Variants in PPARGC1A observed in about 807,000 individuals in gnomAD.
The protein encoded by PPARGC1A is PPARG coactivator 1 alpha.
A neutral mutation model predicts 88.7 loss-of-function variants in PPARGC1A; 25 were observed. The ratio of observed to expected loss-of-function variants is 0.28; its 90% CI spans 0.21 to 0.39. PPARGC1A has a LOEUF of 0.39. PPARGC1A is among the 10% of genes least tolerant of loss of function. PPARGC1A has a pLI of 1.00. For synonymous variants in PPARGC1A, 363 were observed against 355.6 expected, an observed-to-expected ratio of 1.02 and a Z score of -0.24; for missense variants, 880 against 968.7, an observed-to-expected ratio of 0.91 and a Z score of 1.22.
At chr4:23,832,633 A>T (rs1269622214) in intron 2 of PPARGC1A, among the ~76,000 whole-genome samples, 41 of 138,570 alleles carry the variant, frequency 3.0e-4, no homozygotes, top group African/African-American at 1.1e-3. Flanking sequence ...TTTTTGAGAC[A>T]GGGTCTTGCT....
chr4:24,113,805 A>G, the PPARGC1A span, among the ~76,000 whole-genome samples: 1,854 of 152,210 alleles, frequency 0.012, 43 homozygotes, highest in African/African-American at 0.042. Context: ...GTGGCAATAA[A>G]CATGAAGAGA....
the PPARGC1A span, among the ~76,000 whole-genome samples, chr4:24,395,999 A>C: frequency 6.6e-6 from 1 of 152,128 alleles, no homozygotes; most frequent in Non-Finnish European, 1.5e-5. Flanking sequence ...CCAAGCCTTC[A>C]CACTGGCCTT....
At chr4:24,077,517 G>T in the PPARGC1A span, among the ~76,000 whole-genome samples, 32 of 151,528 alleles carry the variant, frequency 2.1e-4, no homozygotes, top group Non-Finnish European at 4.3e-4. Flanking sequence ...TTTTTTCAAT[G>T]TGATTCTCAA....
At chr4:24,463,709 A>C in the PPARGC1A span, among the ~76,000 whole-genome samples, 1 of 152,230 alleles carries the variant, frequency 6.6e-6, no homozygotes, top group Admixed American at 6.5e-5. Flanking sequence ...CCTCAGTAGA[A>C]TGGGAGGCAA....
chr4:23,983,927 T>C, the PPARGC1A span, among the ~76,000 whole-genome samples: 2 of 152,118 alleles, frequency 1.3e-5, no homozygotes, highest in Non-Finnish European at 2.9e-5. Context: ...CACCCTGTTC[T>C]ACATGGCTAA....
the PPARGC1A span, among the ~76,000 whole-genome samples, chr4:24,167,353 A>G: frequency 6.6e-6 from 1 of 152,240 alleles, no homozygotes; most frequent in Non-Finnish European, 1.5e-5. Context: ...TGGTTTCTTG[A>G]GATGGAATCT....
At chr4:24,343,949 G>T in the PPARGC1A span, among the ~76,000 whole-genome samples, 1 of 148,364 alleles carries the variant, frequency 6.7e-6, no homozygotes, top group African/African-American at 2.5e-5. Flanking sequence ...ATGCCTTTGC[G>T]TCCTCATAGC....
the PPARGC1A span, among the ~76,000 whole-genome samples, chr4:23,951,613 G>A: frequency 2.6e-5 from 4 of 152,108 alleles, no homozygotes; most frequent in African/African-American, 9.7e-5. Context: ...CAGGATACAT[G>A]AATGTCAGGG....
the PPARGC1A span, among the ~76,000 whole-genome samples, chr4:24,197,443 C>G: frequency 6.6e-6 from 1 of 152,206 alleles, no homozygotes; most frequent in Non-Finnish European, 1.5e-5. Context: ...AAGGGCCTCT[C>G]TCTCTTTTGA....
At chr4:23,986,438 C>A in the PPARGC1A span, among the ~76,000 whole-genome samples, 1 of 152,026 alleles carries the variant, frequency 6.6e-6, no homozygotes, top group African/African-American at 2.4e-5. Context: ...TAATAAGTCT[C>A]TACTTGCAAG....
At chr4:24,430,241 G>A in the PPARGC1A span, among the ~76,000 whole-genome samples, 2 of 146,800 alleles carry the variant, frequency 1.4e-5, no homozygotes, top group African/African-American at 5.0e-5. Flanking sequence ...AATTCACCCC[G>A]ATATTTTGTA....
At chr4:24,190,338 A>T in the PPARGC1A span, among the ~76,000 whole-genome samples, 1 of 152,072 alleles carries the variant, frequency 6.6e-6, no homozygotes, top group Admixed American at 6.5e-5. Context: ...ACACGGTGAA[A>T]CCCCGTCTCT....
chr4:24,136,069 G>A, the PPARGC1A span, among the ~76,000 whole-genome samples: 16 of 152,158 alleles, frequency 1.1e-4, no homozygotes. Flanking sequence ...TCCCAGGTGA[G>A]GCACACACTG....
chr4:23,807,389 C>G (rs1245563757), intron 10 of PPARGC1A, among the ~76,000 whole-genome samples: 2 of 152,090 alleles, frequency 1.3e-5, no homozygotes, highest in Non-Finnish European at 2.9e-5. Context: ...AAAGTGTCCC[C>G]CATTCACGTA....
chr4:23,850,293 T>C (rs1206040195), intron 2 of PPARGC1A, among the ~76,000 whole-genome samples: 1 of 152,200 alleles, frequency 6.6e-6, no homozygotes, highest in African/African-American at 2.4e-5. Context: ...ATTGCCAAGA[T>C]CATCTTTGGG....
chr4:23,941,816 C>A, the PPARGC1A span, among the ~76,000 whole-genome samples: 1 of 152,148 alleles, frequency 6.6e-6, no homozygotes. Context: ...ACTGCATGCA[C>A]CCAAGCCACA....
chr4:24,386,931 A>G, the PPARGC1A span, among the ~76,000 whole-genome samples: 7 of 152,342 alleles, frequency 4.6e-5, no homozygotes, highest in East Asian at 1.2e-3. Context: ...CCGTATAGCA[A>G]AGACAATCCT....
the PPARGC1A span, among the ~76,000 whole-genome samples, chr4:24,174,895 A>G: frequency 6.6e-6 from 1 of 152,218 alleles, no homozygotes; most frequent in Non-Finnish European, 1.5e-5. Context: ...ACTGGCTGGA[A>G]ATGGTGCCCT....
At chr4:24,062,038 C>T in the PPARGC1A span, among the ~76,000 whole-genome samples, 1 of 152,196 alleles carries the variant, frequency 6.6e-6, no homozygotes, top group African/African-American at 2.4e-5. Flanking sequence ...GCAAACATAC[C>T]ATGCCACAAA....
Sources: allele counts gnomAD v4.1 joint callset (sites outside exome capture counted in the v4.1 genomes callset), GRCh38; gene constraint gnomAD v4.1.1; transcripts MANE v1.5; gene names NCBI Gene and HGNC (gene_info 2026-07-23, HGNC 2026-07-21).